ZNF469: variants seen among roughly 807,000 people sequenced by gnomAD.
ZNF469 encodes zinc finger protein 469.
In ZNF469, 1 loss-of-function variant was observed where a neutral mutation model predicts 1.0. The observed-to-expected ratio is 1.00, with a 90% CI of 0.35 to 4.73. The LOEUF (loss-of-function observed/expected upper bound fraction) is 4.73. ZNF469 is among the 30% of genes most tolerant of loss of function. ZNF469 has a pLI of 0.16. For missense variants in ZNF469, 6,100 were observed against 5,356.3 expected, an observed-to-expected ratio of 1.14 and a Z score of -4.33; for synonymous variants, 2,703 against 2,363.4, an observed-to-expected ratio of 1.14 and a Z score of -4.17.
chr16:88,305,437 T>C, the ZNF469 span, among the ~76,000 whole-genome samples: 4 of 94,018 alleles, frequency 4.3e-5, no homozygotes, highest in Admixed American at 3.5e-4. Context: ...CTCACACACG[T>C]GCACACATGC....
chr16:88,297,370 C>A, the ZNF469 span, among the ~76,000 whole-genome samples: 2 of 152,324 alleles, frequency 1.3e-5, no homozygotes, highest in East Asian at 1.9e-4. Flanking sequence ...GCTCAGCCAC[C>A]CTCCACGTCC....
At chr16:88,394,845 C>T (rs1365745012) in intron 1 of ZNF469, among the ~76,000 whole-genome samples, 1 of 152,192 alleles carries the variant, frequency 6.6e-6, no homozygotes, top group Non-Finnish European at 1.5e-5. Context: ...GTCCTTCTCT[C>T]ATGGTCCCCG....
At chr16:88,331,368 A>G in the ZNF469 span, among the ~76,000 whole-genome samples, 1 of 148,808 alleles carries the variant, frequency 6.7e-6, no homozygotes. Flanking sequence ...CATCACCATC[A>G]TCATCATCAT....
At chr16:88,136,548 C>CTGTATTG in the ZNF469 span, among the ~76,000 whole-genome samples, 1 of 152,258 alleles carries the variant, frequency 6.6e-6, no homozygotes, top group South Asian at 2.1e-4. Context: ...GCAGCACTTG[C>CTGTATTG]TGTATTGTGT....
At chr16:88,419,427 A>G (rs1014318980) in intron 1 of ZNF469, among the ~76,000 whole-genome samples, 1 of 152,152 alleles carries the variant, frequency 6.6e-6, no homozygotes, top group Non-Finnish European at 1.5e-5. Context: ...CAGACTTGCC[A>G]TGTGACCTTG....
the ZNF469 span, among the ~76,000 whole-genome samples, chr16:88,125,619 T>G: frequency 6.6e-6 from 1 of 152,214 alleles, no homozygotes; most frequent in Non-Finnish European, 1.5e-5. Flanking sequence ...TCAGTAGCAT[T>G]TTATAGTTTT....
At chr16:88,278,429 G>T in the ZNF469 span, among the ~76,000 whole-genome samples, 4 of 83,832 alleles carry the variant, frequency 4.8e-5, no homozygotes, top group Admixed American at 1.4e-4. Context: ...AGATATCAGT[G>T]CACAGTTAGT....
At chr16:88,267,254 C>A in the ZNF469 span, among the ~76,000 whole-genome samples, 6,433 of 152,222 alleles carry the variant, frequency 0.042, 228 homozygotes, top group East Asian at 0.16. Context: ...TGCCATGGAG[C>A]CCCGCCTCCA....
chr16:88,289,973 T>C, the ZNF469 span, among the ~76,000 whole-genome samples: 3 of 152,200 alleles, frequency 2.0e-5, no homozygotes, highest in African/African-American at 7.2e-5. Context: ...CCTGAGGCTG[T>C]GTCAGAGCAC....
chr16:88,427,879 C>G lies in ZNF469; in HGVS notation c.409C>G (p.Pro137Ala), dbSNP rs1463110626. 9 of 1,549,770 alleles carry G rather than the reference C, an allele frequency of 5.8e-6. No individual in the cohort carries two copies. ...GACCAAGCCCACCCTGGACGAGACA[C>G]CAGAGAACCCACAGCTGGAGGCTGC... ...SRTKPTLDET[P>A]ENPQLEAAQL... Residue 137 changes from proline to alanine, a missense_variant, in exon 3 of 3, where the codon CCA becomes GCA. Coordinates refer to ENST00000565624, the MANE Select transcript of ZNF469 (RefSeq NM_001367624.2).
chr16:88,431,762 G>A lies in ZNF469; in HGVS notation c.4292G>A (p.Arg1431Lys). The A allele has an allele frequency of 1.3e-6, 2 of 1,549,954 alleles. No individual in the cohort carries two copies. Among genetic ancestry groups the A allele is most frequent in the South Asian group, 1.2e-5 (1 of 84,058 alleles). ...DAGSLEPQLP[R>K]SPPGTAETEP... ...GGTTCCCTCGAGCCACAGCTGCCAA[G>A]GAGCCCACCTGGCACCGCTGAGACG... Residue 1431 changes from arginine (R) to lysine (K), a missense_variant, in exon 3 of 3, where the codon AGG (arginine) becomes AAG (lysine). Arg to Lys is a conservative substitution (Grantham distance 26). Transcript: ENST00000565624.
At chr16:88,348,117 G>A in the ZNF469 span, among the ~76,000 whole-genome samples, 2 of 152,374 alleles carry the variant, frequency 1.3e-5, no homozygotes, top group East Asian at 1.9e-4. Context: ...CTGCCCCTTC[G>A]CATCTGTGTG....
the ZNF469 span, among the ~76,000 whole-genome samples, chr16:88,258,459 C>G: frequency 1.4e-5 from 2 of 142,674 alleles, no homozygotes; most frequent in African/African-American, 5.1e-5. Flanking sequence ...ATGGCCTTCT[C>G]TGCCAGGGAT....
chr16:88,138,774 C>T, the ZNF469 span, among the ~76,000 whole-genome samples: 3 of 152,230 alleles, frequency 2.0e-5, no homozygotes, highest in East Asian at 1.9e-4. Context: ...AATGGAAACA[C>T]ATTTAAAGCA....
chr16:88,440,235 G>A lies in ZNF469; in HGVS notation c.*903G>A, dbSNP rs1442132885. 1 of 151,162 alleles carries A rather than the reference G, an allele frequency of 6.6e-6. No individual in the cohort carries two copies. The highest frequency in any genetic ancestry group is 1.9e-4 in the East Asian group (1 of 5,178). The allele number at this position is 151,162 out of a possible 1,614,324, so 9.4% of individuals were successfully genotyped here. A position where few individuals can be genotyped will look rare whatever the true frequency, so the allele number is the denominator to read the frequency against. On this transcript the variant is annotated 3_prime_UTR_variant, in exon 3 of 3. Transcript: ENST00000565624. ...GTATTGGGTGGGACAGACGGGGTCAGGGAGGCCCCACCATGGCTTGTCGAG... is the reference window on the plus strand; with the variant it reads ...GTATTGGGTGGGACAGACGGGGTCAAGGAGGCCCCACCATGGCTTGTCGAG...
At chr16:88,142,081 A>G in the ZNF469 span, among the ~76,000 whole-genome samples, 22,219 of 152,286 alleles carry the variant, frequency 0.15, 2,044 homozygotes, top group East Asian at 0.27. Context: ...AATAGTCCAC[A>G]GCGGCCAGGA....
upstream of ZNF469, among the ~76,000 whole-genome samples, chr16:88,380,576 C>G (rs1235537976): frequency 6.7e-6 from 1 of 148,554 alleles, no homozygotes; most frequent in Admixed American, 6.7e-5. Flanking sequence ...GACGCCCTCA[C>G]ACAGACATGC....
chr16:88,329,671 A>G, the ZNF469 span, among the ~76,000 whole-genome samples: 29 of 152,234 alleles, frequency 1.9e-4, no homozygotes, highest in Admixed American at 2.6e-4. Flanking sequence ...CTGACAGGGA[A>G]TTGGTCCTCA....
chr16:88,349,417 A>C, the ZNF469 span, among the ~76,000 whole-genome samples: 16 of 151,044 alleles, frequency 1.1e-4, no homozygotes, highest in Non-Finnish European at 2.1e-4. Flanking sequence ...CACACACACC[A>C]CACCCAAGTG....
Sources: allele counts gnomAD v4.1 joint callset (sites outside exome capture counted in the v4.1 genomes callset), GRCh38; gene constraint gnomAD v4.1.1; transcripts MANE v1.5; gene names NCBI Gene and HGNC (gene_info 2026-07-23, HGNC 2026-07-21).